Variants in TAFA2 observed in about 807,000 individuals in gnomAD.
TAFA2 encodes chemokine-like protein TAFA-2.
Under a neutral mutation model 18.8 loss-of-function variants are expected in TAFA2, and 7 were observed. The observed-to-expected ratio is 0.37, with a 90% CI of 0.21 to 0.70. TAFA2 has a LOEUF of 0.70. TAFA2 is among the 30% of genes least tolerant of loss of function. The pLI is 0.53. For missense variants in TAFA2, 122 were observed against 158.1 expected, an observed-to-expected ratio of 0.77 and a Z score of 1.23; for synonymous variants, 60 against 54.2, an observed-to-expected ratio of 1.11 and a Z score of -0.47.
At chr12:62,050,764 G>A (rs1420284456) in intron 1 of TAFA2, among the ~76,000 whole-genome samples, 1 of 152,110 alleles carries the variant, frequency 6.6e-6, no homozygotes, top group African/African-American at 2.4e-5. Context: ...CCAAATCTGA[G>A]CATTCTTTTC....
intron 1 of TAFA2, among the ~76,000 whole-genome samples, chr12:62,027,166 A>G (rs1881332268): frequency 6.6e-6 from 1 of 152,194 alleles, no homozygotes; most frequent in African/African-American, 2.4e-5. Context: ...AATTTAAAAT[A>G]TGTAAATGAA....
intron 1 of TAFA2, among the ~76,000 whole-genome samples, chr12:62,068,816 C>T (rs931626778): frequency 4.6e-5 from 7 of 152,122 alleles, no homozygotes; most frequent in African/African-American, 1.4e-4. Context: ...TACATGATTA[C>T]ATCCATCAGA....
chr12:62,112,912 G>A (rs1489993613), intron 1 of TAFA2, among the ~76,000 whole-genome samples: 2 of 151,920 alleles, frequency 1.3e-5, no homozygotes, highest in African/African-American at 4.8e-5. Flanking sequence ...TAGCTTCCTT[G>A]CACTGGGTTA....
chr12:61,731,542 A>C (rs927527053), intron 4 of TAFA2, among the ~76,000 whole-genome samples: 1 of 152,044 alleles, frequency 6.6e-6, no homozygotes, highest in African/African-American at 2.4e-5. Flanking sequence ...TCTGTTACTC[A>C]AGGAATCCTG....
upstream of TAFA2, among the ~76,000 whole-genome samples, chr12:62,193,659 A>G (rs2062636924): frequency 6.6e-6 from 1 of 152,214 alleles, no homozygotes; most frequent in Admixed American, 6.5e-5. Context: ...CCGATTTTAT[A>G]AAGTTTTGTT....
chr12:62,078,461 A>AAGT, intron 1 of TAFA2, among the ~76,000 whole-genome samples: 1 of 149,568 alleles, frequency 6.7e-6, no homozygotes, highest in African/African-American at 2.4e-5. Context: ...AGCTAAAGAC[A>AAGT]AGTTGGACTC....
Position 62,046,355 on chromosome 12 carries a change from A to G in TAFA2, c.-2+144904T>C, listed in dbSNP as rs116163679. Among the ~76,000 whole-genome samples the G allele has an allele frequency of 7.4e-4, 112 of 152,232 alleles. 1 individual carries two copies. The highest frequency in any genetic ancestry group is 2.6e-3 in the African/African-American group (107 of 41,562). On this transcript the variant is annotated intron_variant, in intron 1 of 4. Coordinates refer to ENST00000416284, the MANE Select transcript of TAFA2 (RefSeq NM_178539.5). ...AGGAAAAAAAGATACCATAAAAGCT[A>G]AAACTTCTGCAATCTTCTATCTCAA...
At chr12:61,719,926 T>C (rs142795652) in intron 4 of TAFA2, among the ~76,000 whole-genome samples, 73 of 152,308 alleles carry the variant, frequency 4.8e-4, no homozygotes, top group African/African-American at 1.8e-3. Flanking sequence ...ATTCTATATG[T>C]GGTAAATCTT....
At chr12:62,160,249 T>A (rs1433703150) in intron 1 of TAFA2, among the ~76,000 whole-genome samples, 1 of 152,160 alleles carries the variant, frequency 6.6e-6, no homozygotes, top group Non-Finnish European at 1.5e-5. Context: ...TCCCAAAAAA[T>A]GATTAGGTAC....
intron 1 of TAFA2, among the ~76,000 whole-genome samples, chr12:61,999,795 A>G (rs149494461): frequency 6.6e-6 from 1 of 152,350 alleles, no homozygotes; most frequent in Non-Finnish European, 1.5e-5. Flanking sequence ...CTGTCTAATA[A>G]TGATTGAACT....
At chr12:62,000,346 G>A (rs541128273) in intron 1 of TAFA2, among the ~76,000 whole-genome samples, 2 of 146,094 alleles carry the variant, frequency 1.4e-5, no homozygotes, top group South Asian at 4.4e-4. Context: ...CATAGTAGTT[G>A]GCAAATACCT....
chr12:61,936,591 A>G (rs1471714543), intron 1 of TAFA2, among the ~76,000 whole-genome samples: 1 of 151,732 alleles, frequency 6.6e-6, no homozygotes, highest in Non-Finnish European at 1.5e-5. Flanking sequence ...AATACAAATA[A>G]ATAAATAAAT....
chr12:61,924,347 G>A (rs914120966), intron 1 of TAFA2, among the ~76,000 whole-genome samples: 5 of 152,152 alleles, frequency 3.3e-5, no homozygotes, highest in Admixed American at 1.3e-4. Flanking sequence ...GAGAAAGGTC[G>A]GGTTACCCAC....
At chr12:61,733,143 T>A (rs1215379549) in intron 4 of TAFA2, among the ~76,000 whole-genome samples, 1 of 152,112 alleles carries the variant, frequency 6.6e-6, no homozygotes, top group African/African-American at 2.4e-5. Flanking sequence ...TGTAAATGTG[T>A]TTGAGTTCAT....
intron 4 of TAFA2, among the ~76,000 whole-genome samples, chr12:61,739,589 G>A (rs1256168292): frequency 6.6e-6 from 1 of 151,926 alleles, no homozygotes; most frequent in African/African-American, 2.4e-5. Context: ...TAGGTACAAC[G>A]TGAATTATTT....
intron 2 of TAFA2, among the ~76,000 whole-genome samples, chr12:61,822,041 T>G (rs1238604691): frequency 1.3e-5 from 2 of 152,062 alleles, no homozygotes; most frequent in Non-Finnish European, 2.9e-5. Flanking sequence ...ATGCAAGAAA[T>G]GTTATGATAG....
At chr12:61,968,799 A>C (rs921323025) in intron 1 of TAFA2, among the ~76,000 whole-genome samples, 1 of 151,718 alleles carries the variant, frequency 6.6e-6, no homozygotes, top group African/African-American at 2.4e-5. Flanking sequence ...AACTTGCCCC[A>C]GAGTTCATGA....
At chr12:61,960,685 T>A (rs563838899) in intron 1 of TAFA2, among the ~76,000 whole-genome samples, 1 of 151,884 alleles carries the variant, frequency 6.6e-6, no homozygotes, top group African/African-American at 2.4e-5. Flanking sequence ...TTTGGCTATT[T>A]AATCAATTGT....
chr12:62,122,594 C>T (rs1415243541), intron 1 of TAFA2, among the ~76,000 whole-genome samples: 2 of 152,146 alleles, frequency 1.3e-5, no homozygotes, highest in African/African-American at 4.8e-5. Context: ...CTAGGTCACA[C>T]AGTTATTTTC....
Sources: gnomAD v4.1 joint callset for allele counts (sites outside exome capture counted in the v4.1 genomes callset) on GRCh38, gnomAD v4.1.1 for gene constraint, MANE v1.5 for transcripts, NCBI Gene and HGNC (gene_info 2026-07-23, HGNC 2026-07-21) for gene names.